Variants in PHF21B observed in about 807,000 individuals in gnomAD.
The protein encoded by PHF21B is PHD finger protein 4.
A neutral mutation model predicts 62.2 loss-of-function variants in PHF21B; 22 were observed. That is an observed-to-expected ratio of 0.35 (90% CI 0.25 to 0.51). PHF21B has a LOEUF of 0.51. Ranked by LOEUF, PHF21B falls within the 20% of genes least tolerant of loss-of-function variation. The probability of loss-of-function intolerance (pLI) is 0.97; values close to 1 mark genes in which losing one functional copy is unlikely to be tolerated. For missense variants in PHF21B, 701 were observed against 707.9 expected, an observed-to-expected ratio of 0.99 and a Z score of 0.11; for synonymous variants, 341 against 314.7, an observed-to-expected ratio of 1.08 and a Z score of -0.88.
chr22:44,930,656 G>A (rs915916009), intron 2 of PHF21B, among the ~76,000 whole-genome samples: 5 of 152,244 alleles, frequency 3.3e-5, no homozygotes, highest in African/African-American at 4.8e-5. Flanking sequence ...TGAAGGAGGA[G>A]AGGAGGGGCC....
In PHF21B at chr22:44,990,006, C is replaced by T. The variant is rs548795824; in HGVS notation, c.120+18539G>A. On this transcript the variant is annotated intron_variant, in intron 2 of 12. Transcript: ENST00000313237. Reference sequence around the variant, plus strand: ...ACAGGCACGCTCTTCATAAAGTGCACGCCGAAGGGGCCAACGGGCTCCGTG... The same window carrying T: ...ACAGGCACGCTCTTCATAAAGTGCATGCCGAAGGGGCCAACGGGCTCCGTG... Among the ~76,000 whole-genome samples, 10 of 152,342 alleles carry T rather than the reference C, an allele frequency of 6.6e-5. No individual in the cohort carries two copies. In the East Asian group the frequency reaches 1.7e-3, roughly 26 times the overall value.
intron 5 of PHF21B, chr22:44,901,778 G>A (rs1470196434): frequency 3.3e-5 from 10 of 305,058 alleles, no homozygotes; most frequent in African/African-American, 6.6e-5. Context: ...CAGAAAGGCC[G>A]TGTACAAGAG....
intron 2 of PHF21B, chr22:45,003,527 G>C (rs1183434141): frequency 6.6e-6 from 1 of 152,318 alleles, no homozygotes; most frequent in African/African-American, 2.4e-5. Context: ...GGAGCTTCTG[G>C]GGCAGAGGCC....
chr22:44,974,425 A>T (rs904163669), intron 2 of PHF21B, among the ~76,000 whole-genome samples: 3 of 151,768 alleles, frequency 2.0e-5, no homozygotes, highest in Non-Finnish European at 4.4e-5. Flanking sequence ...AAAAAAAAAA[A>T]ATGCATATGC....
chr22:44,966,146 C>T lies in PHF21B; in HGVS notation c.120+42399G>A, dbSNP rs552174551. Among the ~76,000 whole-genome samples, 5 of 152,320 alleles carry T rather than the reference C, an allele frequency of 3.3e-5. No individual in the cohort carries two copies. The East Asian group carries it at 9.7e-4, about 30-fold the overall frequency. ...CATATCCTGGGCACTCCCTGCATCCCTCCAGTCCCTCGCTCCTACGCTGCC... is the reference window on the plus strand; with the variant it reads ...CATATCCTGGGCACTCCCTGCATCCTTCCAGTCCCTCGCTCCTACGCTGCC... On this transcript the variant is annotated intron_variant, in intron 2 of 12. Coordinates refer to ENST00000313237, the MANE Select transcript of PHF21B (RefSeq NM_138415.5).
chr22:44,924,607 A>T (rs1183019932), intron 2 of PHF21B, among the ~76,000 whole-genome samples: 1 of 152,222 alleles, frequency 6.6e-6, no homozygotes, highest in African/African-American at 2.4e-5. Context: ...TACAGCAAGA[A>T]GGTGGCCATC....
chr22:44,889,888 G>A (rs2070930090), intron 8 of PHF21B, 106 bp from the exon 9 acceptor site: 4 of 1,226,530 alleles, frequency 3.3e-6, no homozygotes, highest in Admixed American at 3.0e-5. Context: ...TTACCCCAGG[G>A]CATGATGGGA....
chr22:44,888,554 C>T (rs1005040306), intron 9 of PHF21B, among the ~76,000 whole-genome samples: 1 of 152,170 alleles, frequency 6.6e-6, no homozygotes, highest in Admixed American at 6.5e-5. Context: ...ACTCCCTCCC[C>T]GCCCCCACTG....
chr22:44,975,121 G>C (rs1473864551), intron 2 of PHF21B, among the ~76,000 whole-genome samples: 1 of 152,194 alleles, frequency 6.6e-6, no homozygotes, highest in Non-Finnish European at 1.5e-5. Flanking sequence ...GCTGAGGGAA[G>C]AGAGCAGAGA....
chr22:44,883,943 C>T (rs2070782892), intron 12 of PHF21B, among the ~76,000 whole-genome samples: 1 of 151,644 alleles, frequency 6.6e-6, no homozygotes, highest in Admixed American at 6.6e-5. Context: ...TCCTCTAACA[C>T]ATCAACACCA....
intron 2 of PHF21B, among the ~76,000 whole-genome samples, chr22:44,972,471 T>C (rs1412071288): frequency 1.3e-5 from 2 of 151,828 alleles, no homozygotes; most frequent in East Asian, 1.9e-4. Context: ...GAAAACCGAG[T>C]GTTGGCAGAC....
intron 2 of PHF21B, among the ~76,000 whole-genome samples, chr22:44,930,046 G>T (rs2147336664): frequency 6.6e-6 from 1 of 152,368 alleles, no homozygotes; most frequent in Non-Finnish European, 1.5e-5. Context: ...AGCAGCCAGA[G>T]GGAAGAAACC....
At chr22:44,930,156 A>G (rs1356880435) in intron 2 of PHF21B, among the ~76,000 whole-genome samples, 1 of 152,194 alleles carries the variant, frequency 6.6e-6, no homozygotes, top group African/African-American at 2.4e-5. Flanking sequence ...GCTCAGGCAA[A>G]GCCAGCACTG....
intron 2 of PHF21B, among the ~76,000 whole-genome samples, chr22:44,959,081 T>C (rs771570220): frequency 2.6e-5 from 4 of 152,154 alleles, no homozygotes; most frequent in East Asian, 1.9e-4. Context: ...TTGGAAGCCT[T>C]CTTCTGCTTC....
rs36014325 is a variant in PHF21B at position 44,975,938 on chromosome 22, C to T, written c.120+32607G>A. 2.0e-5 allele frequency among the ~76,000 whole-genome samples: 3 copies of T among 152,252 alleles called. No homozygotes were observed. In the South Asian group the frequency reaches 6.2e-4, roughly 31 times the overall value. On this transcript the variant is annotated intron_variant, in intron 2 of 12. Transcript: ENST00000313237. ...TTCCCAGCATTTTGGGAGGCCAAGG[C>T]AGACGGATTGCTTGAGTTCAAGAGT...
At chr22:44,973,921 G>A (rs1307579097) in intron 2 of PHF21B, among the ~76,000 whole-genome samples, 1 of 152,176 alleles carries the variant, frequency 6.6e-6, no homozygotes, top group Admixed American at 6.5e-5. Flanking sequence ...GCCAGAAGAG[G>A]AGGCAGGTAA....
In PHF21B at chr22:45,009,421, G is replaced by T; in HGVS notation, c.54+75C>A. 1 of 1,399,024 alleles carries T rather than the reference G, an allele frequency of 7.1e-7. No individual in the cohort carries two copies. Among genetic ancestry groups the T allele is most frequent in the Non-Finnish European group, 9.5e-7 (1 of 1,048,254 alleles). 86.7% of individuals were successfully genotyped at this position (1,399,024 alleles called of 1,614,324 possible). A position where few individuals can be genotyped will look rare whatever the true frequency, so the allele number is the denominator to read the frequency against. Reference sequence around the variant, plus strand: ...GACCCAGAGACCCGGAAGAGAGGATGCTGGGCTCGGGTCCCCCGACCCCCT... The same window carrying T: ...GACCCAGAGACCCGGAAGAGAGGATTCTGGGCTCGGGTCCCCCGACCCCCT... On this transcript the variant is annotated intron_variant, in intron 1 of 12. Coordinates refer to ENST00000313237, the MANE Select transcript of PHF21B (RefSeq NM_138415.5). This position sits in a 1 kb window ranked among gnomAD's most constrained non-coding sequence, Gnocchi z 5.9.
intron 3 of PHF21B, among the ~76,000 whole-genome samples, chr22:44,918,543 C>T (rs1478308689): frequency 6.6e-6 from 1 of 152,194 alleles, no homozygotes; most frequent in Non-Finnish European, 1.5e-5. Flanking sequence ...CCTGTCCCCA[C>T]CCTCTCTCCT....
chr22:44,920,424 C>A lies in PHF21B; in HGVS notation c.187G>T (p.Gly63Trp). 1 of 1,612,090 alleles carries A rather than the reference C, an allele frequency of 6.2e-7. No homozygotes were observed. The change falls in exon 3 of 13, where the codon GGG becomes TGG. Residue 63 changes from glycine (G) to tryptophan (W), a missense_variant. Coordinates refer to ENST00000313237, the MANE Select transcript of PHF21B (RefSeq NM_138415.5). ...TGAGGTAGCACTGCCGCTCCTTGCC[C>A]GGCCAACCTCTGCAAGGAGCTGACC... ...PQVSSLQRLA[G>W]QGAAVLPQVR...
Sources: gnomAD v4.1 joint callset for allele counts (sites outside exome capture counted in the v4.1 genomes callset) on GRCh38, gnomAD v4.1.1 for gene constraint, Gnocchi (gnomAD v3.1) non-coding constraint, MANE v1.5 for transcripts, NCBI Gene and HGNC (gene_info 2026-07-23, HGNC 2026-07-21) for gene names.